NCOR1: variants seen among roughly 807,000 people sequenced by gnomAD.
NCOR1 encodes the protein nuclear receptor corepressor 1, also known as protein phosphatase 1, regulatory subunit 109.
NCOR1 carries 63 observed loss-of-function variants against 288.1 expected under a neutral mutation model. The ratio of observed to expected loss-of-function variants is 0.22; its 90% confidence interval spans 0.18 to 0.27. The LOEUF (loss-of-function observed/expected upper bound fraction) is 0.27, where lower values mean the gene tolerates loss of function less well. Among genes scored for constraint, NCOR1 ranks in the 10% least tolerant of loss-of-function variants. The probability of loss-of-function intolerance (pLI) is 1.00; values close to 1 mark genes in which losing one functional copy is unlikely to be tolerated. For missense variants in NCOR1, 2,397 were observed against 3,019.2 expected, an observed-to-expected ratio of 0.79 and a Z score of 4.83; for synonymous variants, 1,007 against 1,065.9, an observed-to-expected ratio of 0.94 and a Z score of 1.08.
intron 1 of NCOR1, among the ~76,000 whole-genome samples, chr17:16,212,859 C>T (rs535543688): frequency 1.3e-5 from 2 of 151,934 alleles, no homozygotes; most frequent in South Asian, 4.2e-4. Context: ...ATCGCTTGAG[C>T]CCAGGAGCTC....
intron 9 of NCOR1, 126 bp from the exon 10 acceptor site, chr17:16,146,674 T>C (rs561716010): frequency 1.2e-6 from 1 of 823,264 alleles, no homozygotes; most frequent in South Asian, 2.5e-5. Context: ...ATGACTCAAC[T>C]GTGAACGAAA....
rs535460903 is a variant in NCOR1 at position 16,110,007 on chromosome 17, C to T, written c.2056-1095G>A. On this transcript the variant is annotated intron_variant, in intron 18 of 45. Coordinates refer to ENST00000268712, the MANE Select transcript of NCOR1 (RefSeq NM_006311.4). ...TTGGCCTCCCAAAGTGCTGGGATTA[C>T]AGGCGTGAGCCACCGCACCCAGCCA... Among the ~76,000 whole-genome samples, 820 of 152,314 alleles carry T rather than the reference C, an allele frequency of 5.4e-3. 6 individuals are homozygous for T. The highest frequency in any genetic ancestry group is 0.019 in the African/African-American group (777 of 41,560).
chr17:16,108,078 G>GA (rs1029318821), intron 19 of NCOR1, among the ~76,000 whole-genome samples: 1 of 145,676 alleles, frequency 6.9e-6, no homozygotes, highest in African/African-American at 2.5e-5. Flanking sequence ...GAAAATGATG[G>GA]AAAAAATTAT....
At chr17:16,187,952 C>T (rs1600206872) in intron 2 of NCOR1, among the ~76,000 whole-genome samples, 1 of 145,498 alleles carries the variant, frequency 6.9e-6, no homozygotes, top group South Asian at 2.2e-4. Flanking sequence ...TCCATAGAAA[C>T]AGAAAATGAA....
intron 13 of NCOR1, among the ~76,000 whole-genome samples, 173 bp from the exon 14 acceptor site, chr17:16,137,585 A>G (rs917973288): frequency 1.3e-5 from 2 of 152,216 alleles, no homozygotes; most frequent in Non-Finnish European, 2.9e-5. Context: ...TATTTACATT[A>G]TAGGTACTAT....
intron 32 of NCOR1, chr17:16,065,913 C>T (rs1467589465): frequency 1.8e-5 from 10 of 549,164 alleles, no homozygotes; most frequent in Non-Finnish European, 2.9e-5. Context: ...GGAAGGATAA[C>T]AGTAGCTAAA....
chr17:16,063,203 C>T (rs1357483985), intron 35 of NCOR1, among the ~76,000 whole-genome samples: 1 of 152,044 alleles, frequency 6.6e-6, no homozygotes, highest in Non-Finnish European at 1.5e-5. Flanking sequence ...TTTTAAGAGA[C>T]AGCATCACAC....
intron 12 of NCOR1, 51 bp from the exon 13 acceptor site, chr17:16,138,263 C>CA: frequency 2.8e-6 from 4 of 1,406,650 alleles, no homozygotes; most frequent in Admixed American, 2.1e-5. Context: ...ATTTCAACAA[C>CA]TAAAAAAAAA....
At chr17:16,102,553 A>G (rs543266820) in intron 19 of NCOR1, among the ~76,000 whole-genome samples, 179 of 152,146 alleles carry the variant, frequency 1.2e-3, no homozygotes, top group African/African-American at 4.2e-3. Context: ...TTTGGGTACT[A>G]AATCTTCAAA....
At chr17:16,059,049 C>CAAAAAA (rs57820388) in intron 37 of NCOR1, among the ~76,000 whole-genome samples, 7 of 17,454 alleles carry the variant, frequency 4.0e-4, no homozygotes, top group African/African-American at 8.3e-4. Context: ...AACTCCGTCT[C>CAAAAAA]AAAAAAAAAA....
At chr17:16,146,870 CA>C (rs1468783282) in intron 9 of NCOR1, among the ~76,000 whole-genome samples, 1 of 151,876 alleles carries the variant, frequency 6.6e-6, no homozygotes, top group African/African-American at 2.4e-5. Context: ...ATTGTTGTCC[CA>C]AAAAAATGGA....
At chr17:16,072,285 T>C (rs2061846633) in intron 28 of NCOR1, 57 bp from the exon 29 acceptor site, 3 of 1,272,832 alleles carry the variant, frequency 2.4e-6, no homozygotes, top group East Asian at 4.7e-5. Context: ...TCAACTCACA[T>C]ATACTGAATG....
intron 45 of NCOR1, among the ~76,000 whole-genome samples, chr17:16,034,156 T>C (rs1432913328): frequency 1.3e-5 from 2 of 152,258 alleles, no homozygotes; most frequent in Non-Finnish European, 2.9e-5. Context: ...AACCACCTTA[T>C]TTGCTTTGCA....
intron 4 of NCOR1, among the ~76,000 whole-genome samples, chr17:16,167,859 C>CAAAAAAAA (rs71299856): frequency 3.2e-5 from 2 of 62,648 alleles, no homozygotes. Context: ...GACTCCATCT[C>CAAAAAAAA]AAAAAAAAAA....
intron 18 of NCOR1, among the ~76,000 whole-genome samples, chr17:16,114,208 C>A (rs150676235): frequency 7.2e-4 from 106 of 146,772 alleles, no homozygotes; most frequent in Admixed American, 2.1e-3. Context: ...ACCAGTAGAT[C>A]TCCTAAGACT....
In NCOR1 at chr17:16,171,823, C is replaced by T. The variant is rs2083193228; in HGVS notation, c.415G>A (p.Ala139Thr). Residue 139 changes from alanine (A) to threonine (T), a missense_variant, in exon 4 of 46, where the codon GCT (alanine) becomes ACT (threonine). Coordinates refer to ENST00000268712, the MANE Select transcript of NCOR1 (RefSeq NM_006311.4). ...LVHPLPEGLR[A>T]SADAKKDPAF... ...TTTACCTTCTTAGCATCTGCAGAAGCCCTCAGCCCTTCTGGCAGCGGGTGC... is the reference window on the plus strand; with the variant it reads ...TTTACCTTCTTAGCATCTGCAGAAGTCCTCAGCCCTTCTGGCAGCGGGTGC... 3.1e-6 allele frequency: 5 copies of T among 1,603,566 alleles called. No homozygotes were observed. The highest frequency in any genetic ancestry group is 4.5e-5 in the East Asian group (2 of 44,650).
At chr17:16,032,820 TTTC>T (rs1221877740) in intron 45 of NCOR1, among the ~76,000 whole-genome samples, 2 of 152,180 alleles carry the variant, frequency 1.3e-5, no homozygotes, top group Non-Finnish European at 2.9e-5. Flanking sequence ...TAGCAAGAGC[TTTC>T]TTAACTCTTC....
chr17:16,164,815 T>C (rs2081668922), intron 5 of NCOR1, 164 bp downstream of exon 5: 1 of 501,860 alleles, frequency 2.0e-6, no homozygotes, highest in Non-Finnish European at 3.5e-6. Flanking sequence ...GCAAGGAAAA[T>C]GAATGAATGT....
intron 4 of NCOR1, among the ~76,000 whole-genome samples, chr17:16,165,718 C>T (rs540997651): frequency 1.3e-5 from 2 of 152,290 alleles, no homozygotes; most frequent in African/African-American, 4.8e-5. Context: ...ATAAAGCCCA[C>T]ACTACAGCAT....
Sources: gnomAD v4.1 joint callset for allele counts (sites outside exome capture counted in the v4.1 genomes callset) on GRCh38, gnomAD v4.1.1 for gene constraint, MANE v1.5 for transcripts, NCBI Gene and HGNC (gene_info 2026-07-23, HGNC 2026-07-21) for gene names.